Variants in TNKS observed in about 807,000 individuals in gnomAD.
TNKS encodes tankyrase.
A neutral mutation model predicts 135.8 loss-of-function variants in TNKS; 72 were observed. The observed-to-expected ratio is 0.53, with a 90% CI of 0.44 to 0.64. The LOEUF (loss-of-function observed/expected upper bound fraction) is 0.64, where lower values mean the gene tolerates loss of function less well. Ranked by LOEUF, TNKS falls within the 30% of genes least tolerant of loss-of-function variation. The pLI is 0.00. For synonymous variants in TNKS, 849 were observed against 649.3 expected, an observed-to-expected ratio of 1.31 and a Z score of -4.68; for missense variants, 1,769 against 1,674.0, an observed-to-expected ratio of 1.06 and a Z score of -0.99.
chr8:9,764,482 C>T (rs1312594611), intron 22 of TNKS, among the ~76,000 whole-genome samples: 1 of 151,890 alleles, frequency 6.6e-6, no homozygotes, highest in Non-Finnish European at 1.5e-5. Context: ...ATATGTTTCC[C>T]CATTGTGTTT....
At chr8:9,675,204 C>G (rs532489552) in intron 3 of TNKS, among the ~76,000 whole-genome samples, 8 of 152,254 alleles carry the variant, frequency 5.3e-5, no homozygotes, top group African/African-American at 1.9e-4. Context: ...ATTTTCAAAT[C>G]TACTAGTGAA....
At chr8:9,769,515 T>A (rs1311311322) in intron 25 of TNKS, among the ~76,000 whole-genome samples, 2 of 152,208 alleles carry the variant, frequency 1.3e-5, no homozygotes, top group Non-Finnish European at 2.9e-5. Context: ...ATCAGCTTAT[T>A]TTCTTCACTT....
chr8:9,622,268 T>C (rs1016936277), intron 3 of TNKS, among the ~76,000 whole-genome samples: 1 of 152,204 alleles, frequency 6.6e-6, no homozygotes, highest in Non-Finnish European at 1.5e-5. Context: ...TTTCTTTTAT[T>C]AGCAGCAGGT....
At chr8:9,699,229 A>C (rs1013171379) in intron 5 of TNKS, among the ~76,000 whole-genome samples, 1 of 152,232 alleles carries the variant, frequency 6.6e-6, no homozygotes, top group Non-Finnish European at 1.5e-5. Flanking sequence ...TACTCTGTTA[A>C]TTATCCTAGC....
chr8:9,775,619 A>T (rs1040105986), intron 26 of TNKS, among the ~76,000 whole-genome samples: 1 of 151,118 alleles, frequency 6.6e-6, no homozygotes, highest in East Asian at 1.9e-4. Context: ...ACAATAATAG[A>T]TCCTTACTAT....
intron 3 of TNKS, among the ~76,000 whole-genome samples, chr8:9,668,060 T>C (rs1802084800): frequency 6.6e-6 from 1 of 152,186 alleles, no homozygotes; most frequent in Non-Finnish European, 1.5e-5. Context: ...GTTCATTTAG[T>C]AGACTGCAGG....
At chr8:9,589,862 C>G (rs548177685) in intron 2 of TNKS, among the ~76,000 whole-genome samples, 1 of 152,322 alleles carries the variant, frequency 6.6e-6, no homozygotes, top group Non-Finnish European at 1.5e-5. Flanking sequence ...AAGAAGTCTT[C>G]TGATAATATG....
intron 13 of TNKS, among the ~76,000 whole-genome samples, chr8:9,728,663 T>C (rs1238678041): frequency 6.6e-6 from 1 of 152,232 alleles, no homozygotes; most frequent in Admixed American, 6.5e-5. Context: ...TATGTATTTA[T>C]TCATTTTTTA....
At chr8:9,745,422 T>A (rs1054557236) in intron 17 of TNKS, among the ~76,000 whole-genome samples, 1 of 152,192 alleles carries the variant, frequency 6.6e-6, no homozygotes, top group African/African-American at 2.4e-5. Context: ...TTGTTTTGTT[T>A]TGAGATGGAA....
At chr8:9,556,749 A>T in intron 1 of TNKS, 137 bp downstream of exon 1, 9 of 813,544 alleles carry the variant, frequency 1.1e-5, no homozygotes, top group South Asian at 2.0e-5. Flanking sequence ...AGAAGACTGG[A>T]GGTTCCTTTC....
intron 19 of TNKS, among the ~76,000 whole-genome samples, chr8:9,752,287 TAA>T (rs561952738): frequency 6.2e-4 from 95 of 152,222 alleles, no homozygotes; most frequent in Admixed American, 9.8e-4. Flanking sequence ...TAAATTACAA[TAA>T]GTTATAATTC....
chr8:9,695,473 G>A (rs1803471531), intron 5 of TNKS, among the ~76,000 whole-genome samples: 2 of 152,220 alleles, frequency 1.3e-5, no homozygotes, highest in South Asian at 4.1e-4. Flanking sequence ...AAGTTGGAAA[G>A]TTGTGGGATG....
intron 1 of TNKS, among the ~76,000 whole-genome samples, chr8:9,565,321 T>C (rs764077769): frequency 6.6e-6 from 1 of 152,190 alleles, no homozygotes; most frequent in Non-Finnish European, 1.5e-5. Context: ...AATAACGTGA[T>C]GTAAAATTTT....
intron 3 of TNKS, chr8:9,679,739 T>G: frequency 2.0e-6 from 1 of 503,758 alleles, no homozygotes; most frequent in South Asian, 3.0e-5. Context: ...CATCTGAGGA[T>G]TGGACAAGAA....
chr8:9,715,897 TC>T (rs1220529231), intron 11 of TNKS, among the ~76,000 whole-genome samples: 1 of 152,198 alleles, frequency 6.6e-6, no homozygotes, highest in African/African-American at 2.4e-5. Flanking sequence ...GGCAATTTTT[TC>T]TTTATTATGG....
rs142454210 is a variant in TNKS at position 9,726,596 on chromosome 8, A to G, written c.1922-45A>G. On this transcript the variant is annotated intron_variant, in intron 12 of 26. Transcript: ENST00000310430. ...TCCAAAATCAATGCAGTTGGAATAT[A>G]TGAGTTTGGATATATATATGAGTTC... 4.2e-4 allele frequency: 588 copies of G among 1,397,796 alleles called. 3 individuals carry two copies. The African/African-American group carries it at 7.1e-3, about 17-fold the overall frequency. The allele number at this position is 1,397,796 out of a possible 1,614,324, so 86.6% of individuals were successfully genotyped here.
intron 3 of TNKS, among the ~76,000 whole-genome samples, chr8:9,667,224 A>G (rs989210108): frequency 1.3e-5 from 2 of 152,246 alleles, no homozygotes; most frequent in African/African-American, 2.4e-5. Context: ...TAATTATTTC[A>G]GAAAGAACTC....
chr8:9,642,171 C>G (rs1320658176), intron 3 of TNKS, among the ~76,000 whole-genome samples: 2 of 146,124 alleles, frequency 1.4e-5, no homozygotes, highest in East Asian at 4.2e-4. Flanking sequence ...GCTACCATTC[C>G]TAGGTAATTA....
chr8:9,738,561 A>G (rs1585397910), intron 17 of TNKS, among the ~76,000 whole-genome samples: 1 of 20,642 alleles, frequency 4.8e-5, no homozygotes. Flanking sequence ...CCCTCTACAC[A>G]CTGCTTTGAA....
Sources: allele counts gnomAD v4.1 joint callset (sites outside exome capture counted in the v4.1 genomes callset), GRCh38; gene constraint gnomAD v4.1.1; transcripts MANE v1.5; gene names NCBI Gene and HGNC (gene_info 2026-07-23, HGNC 2026-07-21).